Variants in PCDHA2 observed in about 807,000 individuals in gnomAD.
PCDHA2 encodes protocadherin alpha 2.
A neutral mutation model predicts 66.0 loss-of-function variants in PCDHA2; 58 were observed. That is an observed-to-expected ratio of 0.88 (90% CI 0.71 to 1.09). The LOEUF is 1.09. PCDHA2 is among the 50% of genes least tolerant of loss of function. The pLI is 0.00. For missense variants in PCDHA2, 1,267 were observed against 1,242.3 expected (o/e 1.02, Z -0.30); for synonymous variants, 634 against 554.0 (o/e 1.14, Z -2.03).
At position 140,842,992 on chromosome 5, in the gene PCDHA2, C is replaced by G. The variant is rs144435690; in HGVS notation, c.2388+45640C>G. On this transcript the variant is annotated intron_variant, in intron 1 of 3. Coordinates refer to ENST00000526136, the MANE Select transcript of PCDHA2 (RefSeq NM_018905.3). The stretch of plus-strand genomic sequence containing the variant: ...TGACGCTGCAGGTGTTCGTGCTGGA[C>G]GAGAATGACAACGCGCCGGCACTGC... 42 of 1,594,970 alleles carry G rather than the reference C, an allele frequency of 2.6e-5. 1 individual carries two copies. In the African/African-American group the frequency reaches 5.2e-4, roughly 20 times the overall value.
chr5:140,798,507 A>G (rs1332356110), intron 1 of PCDHA2, among the ~76,000 whole-genome samples: 1 of 152,172 alleles, frequency 6.6e-6, no homozygotes, highest in African/African-American at 2.4e-5. Flanking sequence ...CTTTATGTTA[A>G]TGGTTGATAA....
intron 1 of PCDHA2, chr5:140,804,048 A>G (rs1763325695): frequency 6.0e-6 from 1 of 167,982 alleles, no homozygotes; most frequent in Non-Finnish European, 1.3e-5. Context: ...ATAACTCCCT[A>G]TTGATTATGC....
chr5:140,845,125 T>C (rs1779709915), intron 1 of PCDHA2, among the ~76,000 whole-genome samples: 1 of 149,748 alleles, frequency 6.7e-6, no homozygotes, highest in Non-Finnish European at 1.5e-5. Flanking sequence ...GTTTAGCATT[T>C]TATTTGACTA....
chr5:140,870,118 A>C, intron 1 of PCDHA2: 1 of 1,613,892 alleles, frequency 6.2e-7, no homozygotes, highest in Non-Finnish European at 8.5e-7. Context: ...CTGGGTGGAA[A>C]TCTTGGACAC....
At chr5:140,839,084 T>G (rs2150294627) in intron 1 of PCDHA2, among the ~76,000 whole-genome samples, 9 of 152,164 alleles carry the variant, frequency 5.9e-5, no homozygotes, top group South Asian at 2.1e-4. Context: ...AAAACCTGTC[T>G]GATAATCAAT....
intron 1 of PCDHA2, among the ~76,000 whole-genome samples, chr5:140,909,254 G>A (rs915513119): frequency 6.6e-6 from 1 of 152,334 alleles, no homozygotes; most frequent in East Asian, 1.9e-4. Context: ...TGCTGGCCTT[G>A]CTGACTGAAG....
In PCDHA2 at chr5:140,870,881, T is replaced by C. The variant is rs782030647; in HGVS notation, c.2388+73529T>C. 3.7e-6 allele frequency: 6 copies of C among 1,613,870 alleles called. No individual in the cohort carries two copies. The South Asian group carries it at 5.5e-5, about 15-fold the overall frequency. On this transcript the variant is annotated intron_variant, in intron 1 of 3. Transcript: ENST00000526136. ...GGTGCGGGCCACGTGGTGGCGAAGG[T>C]GCGCGCAGTGGATGCGGACTCAGGC...
In PCDHA2 at chr5:140,927,251, A is replaced by G. The variant is rs782356440; in HGVS notation, c.2389-51698A>G. The G allele has an allele frequency of 7.4e-6, 12 of 1,613,434 alleles. No homozygotes were observed. The Admixed American group carries it at 1.2e-4, about 16-fold the overall frequency. On this transcript the variant is annotated intron_variant, in intron 1 of 3. Transcript: ENST00000526136. The stretch of plus-strand genomic sequence containing the variant: ...ATTCACGTCCTGGACACCAATGACA[A>G]CTCACCTCTCTTTCCTGCCGGCGAC...
At chr5:140,845,294 A>T (rs2150378014) in intron 1 of PCDHA2, among the ~76,000 whole-genome samples, 1 of 149,472 alleles carries the variant, frequency 6.7e-6, no homozygotes, top group African/African-American at 2.4e-5. Flanking sequence ...TATCCTGTCT[A>T]TGTCTACCTG....
At chr5:140,925,187 C>T (rs2082372782) in intron 1 of PCDHA2, among the ~76,000 whole-genome samples, 1 of 152,134 alleles carries the variant, frequency 6.6e-6, no homozygotes, top group Admixed American at 6.5e-5. Flanking sequence ...TGTACCATCA[C>T]CCAGCTTCAA....
chr5:140,796,584 G>A lies in PCDHA2; in HGVS notation c.1620G>A (p.Ala540=). 6.2e-7 allele frequency: 1 copy of A among 1,613,364 alleles called. No homozygotes were observed. The highest frequency in any genetic ancestry group is 1.1e-5 in the South Asian group (1 of 91,054). Reference sequence around the variant, plus strand: ...AGTTCCAGGTGAGCGCGCGGGATGCGGGCGTGCCGCCTCTGGGCAGCAACG... The same window carrying A: ...AGTTCCAGGTGAGCGCGCGGGATGCAGGCGTGCCGCCTCTGGGCAGCAACG... The part of the protein sequence containing the change: ...LLQFQVSARD[A]GVPPLGSNVT... Residue 540 remains alanine, a synonymous_variant, in exon 1 of 4, where the codon GCG becomes GCA. Coordinates refer to ENST00000526136, the MANE Select transcript of PCDHA2 (RefSeq NM_018905.3).
intron 1 of PCDHA2, among the ~76,000 whole-genome samples, chr5:140,890,162 A>G (rs1433054233): frequency 6.6e-6 from 1 of 152,184 alleles, no homozygotes; most frequent in Non-Finnish European, 1.5e-5. Context: ...TATTTCTGCC[A>G]CAGAAATAGG....
chr5:140,870,562 G>T (rs1554164416), intron 1 of PCDHA2: 1 of 1,613,996 alleles, frequency 6.2e-7, no homozygotes, highest in Non-Finnish European at 8.5e-7. Context: ...GCAGGAGAAC[G>T]CGCTGGTGTC....
rs2150123855 is a variant in PCDHA2 at position 140,823,236 on chromosome 5, C to G, written c.2388+25884C>G. 4,287 of 1,613,532 alleles carry G rather than the reference C, an allele frequency of 2.7e-3. 77 individuals are homozygous for G. The African/African-American group carries it at 0.049, about 19-fold the overall frequency. On this transcript the variant is annotated intron_variant, in intron 1 of 3. Coordinates refer to ENST00000526136, the MANE Select transcript of PCDHA2 (RefSeq NM_018905.3). ...GGGACGCGGACGCGCAGGAGAACGC[C>G]CTGGTGTCCTACTCGCTGGTGGAGC...
chr5:140,844,542 G>T (rs1779426877), intron 1 of PCDHA2, among the ~76,000 whole-genome samples: 1 of 149,020 alleles, frequency 6.7e-6, no homozygotes, highest in Admixed American at 6.7e-5. Flanking sequence ...TCAACCCTTT[G>T]TTCATGAGTT....
intron 1 of PCDHA2, chr5:140,967,272 T>A: frequency 1.2e-6 from 2 of 1,613,412 alleles, no homozygotes; most frequent in Non-Finnish European, 1.7e-6. Context: ...CGCTTTCACA[T>A]AGAGAGTGCG....
chr5:140,940,305 A>G (rs2092590184), intron 1 of PCDHA2, among the ~76,000 whole-genome samples: 1 of 152,126 alleles, frequency 6.6e-6, no homozygotes, highest in Non-Finnish European at 1.5e-5. Flanking sequence ...GTAATTTATT[A>G]TCTTTCTTCC....
At chr5:140,920,133 C>T (rs1463322279) in intron 1 of PCDHA2, among the ~76,000 whole-genome samples, 1 of 152,178 alleles carries the variant, frequency 6.6e-6, no homozygotes, top group African/African-American at 2.4e-5. Flanking sequence ...AGTTTTAATT[C>T]TCCTCTCCAA....
chr5:140,868,134 T>C (rs1562613374), intron 1 of PCDHA2: 1 of 152,142 alleles, frequency 6.6e-6, no homozygotes, highest in Admixed American at 6.5e-5. Context: ...ATTTCTGTCA[T>C]ATCATTGATT....
Sources: allele counts gnomAD v4.1 joint callset (sites outside exome capture counted in the v4.1 genomes callset), GRCh38; gene constraint gnomAD v4.1.1; transcripts MANE v1.5; gene names NCBI Gene and HGNC (gene_info 2026-07-23, HGNC 2026-07-21).